Variants in PCSK2 observed in about 807,000 individuals in gnomAD.
The protein encoded by PCSK2 is proprotein convertase subtilisin/kexin type 2, also known as neuroendocrine convertase 2.
A neutral mutation model predicts 69.7 loss-of-function variants in PCSK2; 14 were observed. That is an observed-to-expected ratio of 0.20 (90% CI 0.13 to 0.31). The LOEUF is 0.31. Ranked by LOEUF, PCSK2 falls within the 10% of genes least tolerant of loss-of-function variation. The pLI is 1.00. For missense variants in PCSK2, 544 were observed against 842.5 expected (o/e 0.65, Z 4.39); for synonymous variants, 307 against 320.7 (o/e 0.96, Z 0.46).
rs1600504329 is a variant in PCSK2, at chr20:17,339,821, G to C, written c.283-18506G>C. Among the ~76,000 whole-genome samples the C allele has an allele frequency of 2.0e-5, 3 of 152,316 alleles. No individual in the cohort carries two copies. The East Asian group carries it at 5.8e-4, about 29-fold the overall frequency. On this transcript the variant is annotated intron_variant, in intron 2 of 11. Transcript: ENST00000262545. Reference sequence around the variant, plus strand: ...CGGTCTAAGGACCAGCAATGGAAAAGAGTAGAGTGGCCTCCTAACTATGCA... The same window carrying C: ...CGGTCTAAGGACCAGCAATGGAAAACAGTAGAGTGGCCTCCTAACTATGCA...
intron 8 of PCSK2, 110 bp downstream of exon 8, chr20:17,436,993 C>T (rs941348527): frequency 6.7e-5 from 62 of 918,640 alleles, no homozygotes; most frequent in Non-Finnish European, 9.1e-5. Context: ...GAGTCCAGGT[C>T]CTGCAGGAAT....
chr20:17,255,940 T>G (rs1987161623), intron 1 of PCSK2, among the ~76,000 whole-genome samples: 1 of 152,154 alleles, frequency 6.6e-6, no homozygotes, highest in Admixed American at 6.5e-5. Context: ...GGTATTTCTG[T>G]CTTTTCTTCA....
intron 8 of PCSK2, among the ~76,000 whole-genome samples, chr20:17,446,639 G>A (rs939137259): frequency 7.2e-5 from 11 of 152,192 alleles, no homozygotes; most frequent in South Asian, 2.1e-4. Context: ...ATGTGCAAAT[G>A]TCGAAGATGT....
chr20:17,231,277 A>G (rs1290221649), intron 1 of PCSK2, among the ~76,000 whole-genome samples: 1 of 152,240 alleles, frequency 6.6e-6, no homozygotes, highest in Admixed American at 6.5e-5. Context: ...CAACCTAATA[A>G]TCATTATGCT....
rs369676259 is a variant in PCSK2 at position 17,433,785 on chromosome 20, T to TTCTCTCTCTCTCTC, written c.710-2908_710-2895dup. ...GACACAGACTCCTAGCTCCTTTGAT[T>TTCTCTCTCTCTCTC]TCTCTCTCTCTCTCTCTCTCTCTCT... is the stretch of plus-strand genomic sequence containing the variant. On this transcript the variant is annotated intron_variant, in intron 7 of 11. Coordinates refer to ENST00000262545, the MANE Select transcript of PCSK2 (RefSeq NM_002594.5). Among the ~76,000 whole-genome samples the TTCTCTCTCTCTCTC allele has an allele frequency of 1.8e-3, 72 of 40,842 alleles. 8 individuals carry two copies. Among genetic ancestry groups the TTCTCTCTCTCTCTC allele is most frequent in the African/African-American group, 2.6e-3 (30 of 11,716 alleles). 26.8% of individuals were successfully genotyped at this position (40,842 alleles called of 152,430 possible). A position where few individuals can be genotyped will look rare whatever the true frequency, so the allele number is the denominator to read the frequency against.
upstream of PCSK2, chr20:17,227,005 A>T (rs1360577988): frequency 8.2e-6 from 2 of 243,780 alleles, no homozygotes; most frequent in Non-Finnish European, 1.5e-5. Context: ...AGGAGCTGAA[A>T]ATGCAGATTT....
intron 3 of PCSK2, among the ~76,000 whole-genome samples, chr20:17,359,920 TG>T (rs2030332526): frequency 6.6e-6 from 1 of 152,192 alleles, no homozygotes; most frequent in Admixed American, 6.5e-5. Context: ...GAAATATTTT[TG>T]GGGGCCAGGA....
intron 5 of PCSK2, among the ~76,000 whole-genome samples, chr20:17,385,760 G>T (rs1041983004): frequency 1.3e-5 from 2 of 152,138 alleles, no homozygotes; most frequent in African/African-American, 4.8e-5. Context: ...AGTGAAGGAA[G>T]TCAATACAGG....
intron 1 of PCSK2, among the ~76,000 whole-genome samples, chr20:17,236,538 G>C (rs895726779): frequency 2.6e-5 from 4 of 151,978 alleles, no homozygotes; most frequent in African/African-American, 9.7e-5. Context: ...ATGTTTGTTA[G>C]GTATATCATT....
intron 2 of PCSK2, among the ~76,000 whole-genome samples, chr20:17,290,154 T>C (rs903972330): frequency 2.0e-5 from 3 of 152,198 alleles, no homozygotes; most frequent in African/African-American, 4.8e-5. Context: ...TTCTCAATCA[T>C]TTATAGTTTT....
At chr20:17,448,341 A>T (rs968645728) in intron 8 of PCSK2, among the ~76,000 whole-genome samples, 4 of 152,226 alleles carry the variant, frequency 2.6e-5, no homozygotes, top group Non-Finnish European at 5.9e-5. Flanking sequence ...AAATGTAGGC[A>T]ATGCGCTGGG....
At chr20:17,450,070 T>C (rs1160545255) in intron 8 of PCSK2, among the ~76,000 whole-genome samples, 2 of 124,862 alleles carry the variant, frequency 1.6e-5, no homozygotes, top group African/African-American at 3.1e-5. Flanking sequence ...CACTGTCGCC[T>C]AGGCTGGAGT....
intron 11 of PCSK2, among the ~76,000 whole-genome samples, chr20:17,478,477 C>G (rs1266478137): frequency 6.6e-6 from 1 of 151,964 alleles, no homozygotes; most frequent in Non-Finnish European, 1.5e-5. Context: ...TTTAATTCAC[C>G]CTCAAGTATA....
chr20:17,457,867 A>G (rs1055638767), intron 10 of PCSK2, among the ~76,000 whole-genome samples: 1 of 152,204 alleles, frequency 6.6e-6, no homozygotes, highest in Non-Finnish European at 1.5e-5. Flanking sequence ...CTTGACTCAC[A>G]GTCTTCTGGA....
intron 2 of PCSK2, among the ~76,000 whole-genome samples, 197 bp from the exon 3 acceptor site, chr20:17,358,130 A>AT (rs1568616629): frequency 6.6e-6 from 1 of 150,710 alleles, no homozygotes; most frequent in East Asian, 2.0e-4. Context: ...ACATAGCGAG[A>AT]CCCCCCCTAA....
chr20:17,381,253 T>C (rs1400966941), intron 5 of PCSK2, among the ~76,000 whole-genome samples: 1 of 152,250 alleles, frequency 6.6e-6, no homozygotes, highest in Non-Finnish European at 1.5e-5. Flanking sequence ...AGCCAGACTT[T>C]GGCTCTTAGC....
intron 5 of PCSK2, among the ~76,000 whole-genome samples, chr20:17,393,262 TC>T (rs1377262747): frequency 6.6e-6 from 1 of 152,184 alleles, no homozygotes; most frequent in African/African-American, 2.4e-5. Context: ...CATTCCTTTT[TC>T]TTTTCCCATC....
chr20:17,483,020 A>G lies in PCSK2; in HGVS notation c.*950A>G, dbSNP rs2033436900. 1 of 122,258 alleles carries G rather than the reference A, an allele frequency of 8.2e-6. No homozygotes were observed. The highest frequency in any genetic ancestry group is 9.4e-5 in the Admixed American group (1 of 10,674). 7.6% of individuals were successfully genotyped at this position (122,258 alleles called of 1,614,324 possible). ...CTCAATCTGATCTGAGTGAGAGGCG[A>G]CAGGAGTATTTTTTTTTTTTTACAG... On this transcript the variant is annotated 3_prime_UTR_variant, in exon 12 of 12. Transcript: ENST00000262545.
intron 2 of PCSK2, among the ~76,000 whole-genome samples, chr20:17,323,283 G>T (rs145324243): frequency 1.3e-5 from 2 of 152,180 alleles, no homozygotes; most frequent in East Asian, 3.8e-4. Flanking sequence ...GGACACAGAC[G>T]CACACAGAGG....
Sources: gnomAD v4.1 joint callset for allele counts (sites outside exome capture counted in the v4.1 genomes callset) on GRCh38, gnomAD v4.1.1 for gene constraint, MANE v1.5 for transcripts, NCBI Gene and HGNC (gene_info 2026-07-23, HGNC 2026-07-21) for gene names.